The following SRPK1 variants were observed in gnomAD, a reference collection of about 807,000 sequenced individuals.
SRPK1 encodes SRSF protein kinase 1.
SRPK1 carries 52 observed loss-of-function variants against 89.5 expected under a neutral mutation model. That is an observed-to-expected ratio of 0.58 (90% CI 0.46 to 0.73). The LOEUF (loss-of-function observed/expected upper bound fraction) is 0.73, where lower values mean the gene tolerates loss of function less well. Among genes scored for constraint, SRPK1 ranks in the 30% least tolerant of loss-of-function variants. The pLI is 0.00. For missense variants in SRPK1, 603 were observed against 780.6 expected (o/e 0.77, Z 2.71); for synonymous variants, 255 against 270.2 (o/e 0.94, Z 0.55).
rs1769688867 is a variant in SRPK1 at position 35,857,459 on chromosome 6, T to C, written c.1513-91A>G. The C allele has an allele frequency of 5.4e-6, 6 of 1,110,818 alleles. No individual in the cohort carries two copies. In the Admixed American group the frequency reaches 1.2e-4, roughly 22 times the overall value. The allele number at this position is 1,110,818 out of a possible 1,614,324, so 68.8% of individuals were successfully genotyped here. A position where few individuals can be genotyped will look rare whatever the true frequency, so the allele number is the denominator to read the frequency against. On this transcript the variant is annotated intron_variant, in intron 12 of 15. Coordinates refer to ENST00000373825, the MANE Select transcript of SRPK1 (RefSeq NM_003137.5). ...ATAATGGAGATGAAAATAAACTCTC[T>C]GAAGTTTTTCCCAAACCAAAGTTCT...
chr6:35,872,501 A>G, intron 8 of SRPK1, 62 bp downstream of exon 8: 2 of 1,440,218 alleles, frequency 1.4e-6, no homozygotes, highest in Non-Finnish European at 1.8e-6. Context: ...CTGGTAACAG[A>G]ATAAAAATAG....
Position 35,838,370 on chromosome 6 carries a change from C to T in SRPK1, c.1750G>A (p.Gly584Arg). The part of the protein sequence containing the change: ...GKVPRKLIVA[G>R]KYSKEFFTKK... The stretch of plus-strand genomic sequence containing the variant: ...GTGAAAAATTCCTTGGAATATTTTC[C>T]TGCCACAATGAGCTTGCGAGGCACC... Residue 584 changes from glycine to arginine, a missense_variant, in exon 15 of 16, where the codon GGA becomes AGA. By Grantham distance (125) the Gly-to-Arg change is moderately radical. Transcript: ENST00000373825. 1 of 1,579,336 alleles carries T rather than the reference C, an allele frequency of 6.3e-7. No homozygotes were observed. Among genetic ancestry groups the T allele is most frequent in the African/African-American group, 1.4e-5 (1 of 72,634 alleles).
chr6:35,835,303 C>T lies in SRPK1; in HGVS notation c.*1G>A. On this transcript the variant is annotated 3_prime_UTR_variant, in exon 16 of 16. Coordinates refer to ENST00000373825, the MANE Select transcript of SRPK1 (RefSeq NM_003137.5). ...TCTCTGCTGTGGTGCTGGGCAGGGGCTTAGGAGTTAAGCCAAGGGTGCCGG... is the reference window on the plus strand; with the variant it reads ...TCTCTGCTGTGGTGCTGGGCAGGGGTTTAGGAGTTAAGCCAAGGGTGCCGG... 2 of 1,612,514 alleles carry T rather than the reference C, an allele frequency of 1.2e-6. No individual in the cohort carries two copies. The highest frequency in any genetic ancestry group is 1.3e-5 in the African/African-American group (1 of 74,996).
intron 7 of SRPK1, among the ~76,000 whole-genome samples, chr6:35,873,628 T>TA (rs1770085911): frequency 6.7e-6 from 1 of 149,440 alleles, no homozygotes; most frequent in Non-Finnish European, 1.5e-5. Flanking sequence ...TAGCTGGGAT[T>TA]ATAGGCGCTT....
Position 35,921,083 on chromosome 6 carries a change from T to C in SRPK1, c.-27A>G. On this transcript the variant is annotated 5_prime_UTR_variant, in exon 1 of 16. Transcript: ENST00000373825. The stretch of plus-strand genomic sequence containing the variant: ...GTGAGACCGGTAATCGCCAGGCGCC[T>C]GCGCACTCGAGTGGCGGCGACTCCC... The C allele has an allele frequency of 2.0e-6, 3 of 1,495,854 alleles. No homozygotes were observed. Among genetic ancestry groups the C allele is most frequent in the Non-Finnish European group, 1.8e-6 (2 of 1,119,520 alleles). 92.7% of individuals were successfully genotyped at this position (1,495,854 alleles called of 1,614,324 possible).
At chr6:35,884,330 T>C (rs1770359773) in intron 6 of SRPK1, among the ~76,000 whole-genome samples, 1 of 152,180 alleles carries the variant, frequency 6.6e-6, no homozygotes, top group Non-Finnish European at 1.5e-5. Flanking sequence ...TGAGCCAGTT[T>C]ATATGGAATT....
intron 12 of SRPK1, among the ~76,000 whole-genome samples, chr6:35,867,456 T>C (rs925446832): frequency 6.6e-6 from 1 of 152,198 alleles, no homozygotes; most frequent in Non-Finnish European, 1.5e-5. Context: ...TAAAAGCATA[T>C]GGCTCTTTGA....
At position 35,910,029 on chromosome 6, in the gene SRPK1, G is replaced by A. The variant is rs140344616; in HGVS notation, c.74+10439C>T. Among the ~76,000 whole-genome samples the A allele has an allele frequency of 4.9e-3, 738 of 151,678 alleles. 5 individuals are homozygous for A. Among genetic ancestry groups the A allele is most frequent in the African/African-American group, 0.017 (695 of 41,318 alleles). ...ATGGAGTTTCGCTCTTATTGCTCAGGCTAGAGTGCAATGGCATGATCTCAG... is the reference window on the plus strand; with the variant it reads ...ATGGAGTTTCGCTCTTATTGCTCAGACTAGAGTGCAATGGCATGATCTCAG... On this transcript the variant is annotated intron_variant, in intron 2 of 15. Transcript: ENST00000373825.
intron 6 of SRPK1, among the ~76,000 whole-genome samples, chr6:35,875,460 T>C (rs6457865): frequency 0.76 from 115,065 of 151,874 alleles, 44,550 homozygotes; most frequent in African/African-American, 0.93. Flanking sequence ...ATAATCTACC[T>C]GCCTTGGCCT....
At chr6:35,845,949 G>T (rs563054092) in intron 13 of SRPK1, among the ~76,000 whole-genome samples, 3 of 152,316 alleles carry the variant, frequency 2.0e-5, no homozygotes, top group Non-Finnish European at 4.4e-5. Context: ...GGAATTAACA[G>T]ATGATTCAAA....
At chr6:35,888,985 G>A in intron 3 of SRPK1, 62 bp from the exon 4 acceptor site, 1 of 1,167,224 alleles carries the variant, frequency 8.6e-7, no homozygotes, top group Non-Finnish European at 1.3e-6. Context: ...GTAAGAAAAG[G>A]CATTTTTAAC....
rs987880545 is a variant in SRPK1 at position 35,834,407 on chromosome 6, C to A, written c.*897G>T. 1 of 152,142 alleles carries A rather than the reference C, an allele frequency of 6.6e-6. No individual in the cohort carries two copies. The highest frequency in any genetic ancestry group is 2.4e-5 in the African/African-American group (1 of 41,440). The allele number at this position is 152,142 out of a possible 1,614,324, so 9.4% of individuals were successfully genotyped here. On this transcript the variant is annotated 3_prime_UTR_variant, in exon 16 of 16. Coordinates refer to ENST00000373825, the MANE Select transcript of SRPK1 (RefSeq NM_003137.5). ...TCTATTTTTCTTAAATGGGAAAGCT[C>A]TGAAACCCAGATCTCCGTTCTACCA...
At chr6:35,846,547 C>A (rs1769430341) in intron 13 of SRPK1, among the ~76,000 whole-genome samples, 1 of 141,304 alleles carries the variant, frequency 7.1e-6, no homozygotes, top group African/African-American at 2.6e-5. Flanking sequence ...CAGAGTGAGA[C>A]TGTGTCTCCA....
intron 13 of SRPK1, among the ~76,000 whole-genome samples, chr6:35,846,698 G>A (rs1172317733): frequency 6.6e-6 from 1 of 152,006 alleles, no homozygotes; most frequent in Non-Finnish European, 1.5e-5. Context: ...GAAAAAAATG[G>A]AAAAATTCCT....
At chr6:35,851,355 G>A (rs1463960654) in intron 13 of SRPK1, among the ~76,000 whole-genome samples, 3 of 151,806 alleles carry the variant, frequency 2.0e-5, no homozygotes, top group Non-Finnish European at 4.4e-5. Context: ...TGTATTTTTG[G>A]TAGAGACAGG....
chr6:35,907,534 C>G (rs1197081629), intron 2 of SRPK1, among the ~76,000 whole-genome samples: 1 of 151,838 alleles, frequency 6.6e-6, no homozygotes, highest in Non-Finnish European at 1.5e-5. Context: ...AGTGAAACTC[C>G]ATTTCTACTA....
At chr6:35,898,702 A>T (rs1342902527) in intron 2 of SRPK1, among the ~76,000 whole-genome samples, 1 of 152,150 alleles carries the variant, frequency 6.6e-6, no homozygotes, top group Non-Finnish European at 1.5e-5. Context: ...ATTGCACTCC[A>T]GCCTGGGCAA....
chr6:35,870,555 A>G, intron 9 of SRPK1, 61 bp from the exon 10 acceptor site: 1 of 1,437,490 alleles, frequency 7.0e-7, no homozygotes, highest in Non-Finnish European at 9.4e-7. Flanking sequence ...CCCCAGTTGG[A>G]GATAGTTGTT....
intron 12 of SRPK1, among the ~76,000 whole-genome samples, chr6:35,865,699 C>T (rs1254941880): frequency 1.3e-5 from 2 of 152,118 alleles, no homozygotes; most frequent in African/African-American, 4.8e-5. Flanking sequence ...GGGAAAAAGA[C>T]ATCCTTTTCA....
Sources: gnomAD v4.1 joint callset for allele counts (sites outside exome capture counted in the v4.1 genomes callset) on GRCh38, gnomAD v4.1.1 for gene constraint, MANE v1.5 for transcripts, NCBI Gene and HGNC (gene_info 2026-07-23, HGNC 2026-07-21) for gene names.